Variants in PAIP2 observed in about 807,000 individuals in gnomAD.
PAIP2 encodes poly(A) binding protein interacting protein 2, also known as polyadenylate-binding protein-interacting protein 2.
PAIP2 carries 7 observed loss-of-function variants against 14.8 expected under a neutral mutation model. The observed-to-expected ratio is 0.47, with a 90% CI of 0.27 to 0.89. PAIP2 has a LOEUF of 0.89. PAIP2 is among the 40% of genes least tolerant of loss of function. The probability of loss-of-function intolerance (pLI) is 0.13; values close to 1 mark genes in which losing one functional copy is unlikely to be tolerated. For synonymous variants in PAIP2, 47 were observed against 45.3 expected (o/e 1.04, Z -0.15); for missense variants, 122 against 154.7 (o/e 0.79, Z 1.12).
chr5:139,342,224 C>T (rs982259311), intron 1 of PAIP2, among the ~76,000 whole-genome samples: 11 of 151,840 alleles, frequency 7.2e-5, no homozygotes, highest in East Asian at 3.9e-4. Context: ...ATTTGGATCT[C>T]GCAGCTCTCT....
intron 1 of PAIP2, chr5:139,343,486 G>C (rs1220817991): frequency 6.6e-6 from 1 of 152,084 alleles, no homozygotes; most frequent in African/African-American, 2.4e-5. Flanking sequence ...ACTTTATTCA[G>C]GTTTATCACT....
intron 1 of PAIP2, among the ~76,000 whole-genome samples, chr5:139,359,833 A>G (rs1016410583): frequency 1.3e-5 from 2 of 151,388 alleles, no homozygotes; most frequent in African/African-American, 4.9e-5. Flanking sequence ...TTAGCCGGCC[A>G]TGGTGGCACG....
At chr5:139,347,984 C>G (rs997723542) in intron 1 of PAIP2, among the ~76,000 whole-genome samples, 5 of 152,074 alleles carry the variant, frequency 3.3e-5, no homozygotes. Context: ...CGAGCCTGGC[C>G]AACATAGTGA....
chr5:139,363,115 C>T (rs1757120722), intron 1 of PAIP2, among the ~76,000 whole-genome samples: 1 of 152,026 alleles, frequency 6.6e-6, no homozygotes, highest in East Asian at 1.9e-4. Context: ...GTAGCACGTG[C>T]CTGTAATCCC....
intron 1 of PAIP2, among the ~76,000 whole-genome samples, chr5:139,349,695 C>T (rs1227404995): frequency 6.6e-6 from 1 of 151,996 alleles, no homozygotes; most frequent in Non-Finnish European, 1.5e-5. Flanking sequence ...TAAAACGAAA[C>T]ATCAGTTATC....
intron 1 of PAIP2, among the ~76,000 whole-genome samples, chr5:139,356,214 A>G (rs1180161360): frequency 2.0e-5 from 3 of 151,446 alleles, no homozygotes; most frequent in Non-Finnish European, 3.0e-5. Context: ...TTGGGAGACC[A>G]AGGCAGGCGG....
chr5:139,366,518 A>G (rs374347928), intron 3 of PAIP2, among the ~76,000 whole-genome samples: 16 of 152,316 alleles, frequency 1.1e-4, no homozygotes, highest in East Asian at 7.7e-4. Context: ...TTGTTGCAGT[A>G]AGTGATGGTA....
At chr5:139,352,243 TA>T (rs1756757500) in intron 1 of PAIP2, among the ~76,000 whole-genome samples, 1 of 149,636 alleles carries the variant, frequency 6.7e-6, no homozygotes, top group African/African-American at 2.4e-5. Context: ...TGATTTTCAC[TA>T]GGGAAATCTG....
chr5:139,367,741 T>G (rs1317857267), intron 3 of PAIP2: 1 of 152,216 alleles, frequency 6.6e-6, no homozygotes, highest in Non-Finnish European at 1.5e-5. Context: ...ATTTCAACAC[T>G]TGTTTAACAT....
chr5:139,359,942 C>A (rs1437055462), intron 1 of PAIP2, among the ~76,000 whole-genome samples: 1 of 150,922 alleles, frequency 6.6e-6, no homozygotes, highest in Non-Finnish European at 1.5e-5. Context: ...CTGTACTCTC[C>A]GTCTCAAAAA....
intron 1 of PAIP2, among the ~76,000 whole-genome samples, chr5:139,350,175 C>CAAAAA (rs1223498671): frequency 1.5e-5 from 1 of 66,572 alleles, no homozygotes; most frequent in Non-Finnish European, 3.1e-5. Context: ...GACTCTGTCT[C>CAAAAA]AAAAAAAAAA....
At chr5:139,347,607 G>A (rs1756592027) in intron 1 of PAIP2, among the ~76,000 whole-genome samples, 1 of 152,168 alleles carries the variant, frequency 6.6e-6, no homozygotes, top group Non-Finnish European at 1.5e-5. Context: ...GAAGGCAAAA[G>A]ATGTTTTGTA....
chr5:139,360,113 C>T (rs957759794), intron 1 of PAIP2, among the ~76,000 whole-genome samples: 7 of 150,576 alleles, frequency 4.6e-5, no homozygotes, highest in East Asian at 2.0e-4. Flanking sequence ...ACTACAGGTG[C>T]GTGCCACCAT....
chr5:139,364,617 G>T lies in PAIP2; in HGVS notation c.192G>T (p.Met64Ile). 11 of 1,611,278 alleles carry T rather than the reference G, an allele frequency of 6.8e-6. No homozygotes were observed. The highest frequency in any genetic ancestry group is 9.3e-6 in the Non-Finnish European group (11 of 1,177,522). Residue 64 changes from methionine (M) to isoleucine (I), a missense_variant, in exon 3 of 4, where the codon ATG becomes ATT. Met to Ile is a conservative substitution (Grantham distance 10). Transcript: ENST00000265192. The part of the protein sequence containing the change: ...EEFIERCFQE[M>I]LEEEEEHEWF... ...TTATTGAACGCTGTTTCCAAGAAAT[G>T]CTGGAAGAGGAAGAAGAGCATGAAT...
rs745413402 is a variant in PAIP2, at chr5:139,363,941, CAT to C, written c.138+20_138+21del. 1.6e-5 allele frequency: 25 copies of C among 1,608,892 alleles called. 1 individual carries two copies. Among genetic ancestry groups the C allele is most frequent in the Middle Eastern group, 1.6e-4 (1 of 6,066 alleles). ...CAGACAAGTTAGTTTTTTGTACAAA[CAT>C]GTTTTTATAGTCCATTCTGGCCCTC... On this transcript the variant is annotated intron_variant, in intron 2 of 3. Transcript: ENST00000265192.
At chr5:139,355,873 G>T (rs1756894172) in intron 1 of PAIP2, among the ~76,000 whole-genome samples, 1 of 151,272 alleles carries the variant, frequency 6.6e-6, no homozygotes, top group Non-Finnish European at 1.5e-5. Context: ...TAAATAGGCT[G>T]GGCGTGGTGG....
chr5:139,348,622 G>T (rs1756630768), intron 1 of PAIP2, among the ~76,000 whole-genome samples: 1 of 151,746 alleles, frequency 6.6e-6, no homozygotes, highest in Non-Finnish European at 1.5e-5. Context: ...CTCCCAAAGT[G>T]CTGGGATTAC....
chr5:139,357,162 G>A (rs1756940692), intron 1 of PAIP2, among the ~76,000 whole-genome samples: 1 of 152,162 alleles, frequency 6.6e-6, no homozygotes, highest in Non-Finnish European at 1.5e-5. Flanking sequence ...CTATGGATGT[G>A]TTGAGGCACA....
chr5:139,354,628 C>T (rs1472107593), intron 1 of PAIP2, among the ~76,000 whole-genome samples: 1 of 151,978 alleles, frequency 6.6e-6, no homozygotes, highest in South Asian at 2.1e-4. Context: ...TCTGGTAATT[C>T]CATTGTATAT....
Sources: gnomAD v4.1 joint callset for allele counts (sites outside exome capture counted in the v4.1 genomes callset) on GRCh38, gnomAD v4.1.1 for gene constraint, MANE v1.5 for transcripts, NCBI Gene and HGNC (gene_info 2026-07-23, HGNC 2026-07-21) for gene names.